COL23A1: variants seen among roughly 807,000 people sequenced by gnomAD.
The protein encoded by COL23A1 is collagen alpha-1(XXIII) chain.
Under a neutral mutation model 99.3 loss-of-function variants are expected in COL23A1, and 97 were observed. The ratio of observed to expected loss-of-function variants is 0.98; its 90% CI spans 0.83 to 1.16. COL23A1 has a LOEUF of 1.16. Ranked by LOEUF, COL23A1 falls within the 50% of genes most tolerant of loss-of-function variation. COL23A1 has a pLI of 0.00. For synonymous variants in COL23A1, 320 were observed against 308.2 expected (o/e 1.04, Z -0.40); for missense variants, 762 against 757.4 (o/e 1.01, Z -0.07).
chr5:178,345,446 G>A (rs1760908811), intron 2 of COL23A1: 1 of 197,784 alleles, frequency 5.1e-6, no homozygotes, highest in Non-Finnish European at 1.0e-5. Context: ...ATAGAGAAAT[G>A]TATCATCTCT....
intron 4 of COL23A1, among the ~76,000 whole-genome samples, chr5:178,289,746 G>C (rs1757353865): frequency 6.6e-6 from 1 of 152,104 alleles, no homozygotes; most frequent in Non-Finnish European, 1.5e-5. Flanking sequence ...CGTGTACCAA[G>C]GTGAGCCCAA....
chr5:178,254,707 C>G (rs1248564854), intron 16 of COL23A1, among the ~76,000 whole-genome samples: 1 of 152,132 alleles, frequency 6.6e-6, no homozygotes. Context: ...GGGAGCTTCC[C>G]TTTTTGACTT....
At chr5:178,562,629 G>A (rs898448817) in intron 1 of COL23A1, 1 of 151,422 alleles carries the variant, frequency 6.6e-6, no homozygotes, top group Non-Finnish European at 1.5e-5. Context: ...TCTTAAAGAT[G>A]ACACTGACAC....
chr5:178,358,660 GTA>G (rs746017686), intron 2 of COL23A1, among the ~76,000 whole-genome samples: 10,661 of 141,146 alleles, frequency 0.076, 720 homozygotes, highest in African/African-American at 0.18. Flanking sequence ...GTGTACGTGT[GTA>G]TGTGTCTAAT....
rs141297777 is a variant in COL23A1 at position 178,449,382 on chromosome 5, C to T, written c.361+111300G>A. 3.8e-3 allele frequency among the ~76,000 whole-genome samples: 582 copies of T among 152,262 alleles called. 3 individuals carry two copies. The highest frequency in any genetic ancestry group is 6.0e-3 in the Admixed American group (92 of 15,296). ...GGTTCCCTGATAGTAACTGGCCATT[C>T]GCCTTCTGGTCATGACTCTGATAAG... is the stretch of plus-strand genomic sequence containing the variant. On this transcript the variant is annotated intron_variant, in intron 2 of 28. Transcript: ENST00000390654.
intron 2 of COL23A1, among the ~76,000 whole-genome samples, chr5:178,418,914 C>G (rs1223104882): frequency 6.6e-6 from 1 of 152,162 alleles, no homozygotes; most frequent in Non-Finnish European, 1.5e-5. Context: ...ACTGTCACCA[C>G]CCCCAGCCTG....
chr5:178,367,719 T>C (rs1162598438), intron 2 of COL23A1, among the ~76,000 whole-genome samples: 1 of 152,220 alleles, frequency 6.6e-6, no homozygotes, highest in Non-Finnish European at 1.5e-5. Flanking sequence ...CTTTCTAGCA[T>C]ATCATCCAAA....
chr5:178,246,473 A>G lies in COL23A1; in HGVS notation c.1297-20T>C. On this transcript the variant is annotated intron_variant, in intron 22 of 28. Coordinates refer to ENST00000390654, the MANE Select transcript of COL23A1 (RefSeq NM_173465.4). ...CAAGCCCTGGAGGCAAAGGAGGGAA[A>G]TCAGTCAAGGGGAAGGGGTTAGACA... 1.3e-6 allele frequency: 2 copies of G among 1,556,704 alleles called. No individual in the cohort carries two copies. The highest frequency in any genetic ancestry group is 8.7e-7 in the Non-Finnish European group (1 of 1,149,538).
intron 2 of COL23A1, among the ~76,000 whole-genome samples, chr5:178,403,128 A>AAAAAAAAAAAAAAAAAAAC: frequency 1.0e-5 from 1 of 100,180 alleles, no homozygotes; most frequent in Non-Finnish European, 1.9e-5. Flanking sequence ...AAAAATAAAT[A>AAAAAAAAAAAAAAAAAAAC]AATAAAAAAT....
At chr5:178,442,282 C>A (rs552593479) in intron 2 of COL23A1, among the ~76,000 whole-genome samples, 153 of 152,290 alleles carry the variant, frequency 1.0e-3, no homozygotes, top group Non-Finnish European at 1.0e-3. Flanking sequence ...ATGAAAGGTT[C>A]TGTTTGCTGG....
intron 2 of COL23A1, among the ~76,000 whole-genome samples, chr5:178,381,254 G>A (rs1020468333): frequency 6.6e-6 from 1 of 152,220 alleles, no homozygotes; most frequent in South Asian, 2.1e-4. Context: ...TAAGCCAGCA[G>A]CTGGCCCTCC....
rs145850098 is a variant in COL23A1, at chr5:178,321,209, G to A, written c.362-14290C>T. On this transcript the variant is annotated intron_variant, in intron 2 of 28. Coordinates refer to ENST00000390654, the MANE Select transcript of COL23A1 (RefSeq NM_173465.4). ...GTTGAGCGGCATCAAGCACAGTCACGCTGTTGTGCGGCCACCAGCACCATC... is the reference window on the plus strand; with the variant it reads ...GTTGAGCGGCATCAAGCACAGTCACACTGTTGTGCGGCCACCAGCACCATC... 2.5e-3 allele frequency among the ~76,000 whole-genome samples: 388 copies of A among 152,304 alleles called. 1 individual carries two copies. Among genetic ancestry groups the A allele is most frequent in the African/African-American group, 9.0e-3 (373 of 41,566 alleles).
chr5:178,324,638 G>A (rs1030860401), intron 2 of COL23A1, among the ~76,000 whole-genome samples: 1 of 152,156 alleles, frequency 6.6e-6, no homozygotes, highest in African/African-American at 2.4e-5. Context: ...TCACTGGCCC[G>A]AGGCCACACA....
intron 5 of COL23A1, among the ~76,000 whole-genome samples, chr5:178,278,578 G>T (rs1756719029): frequency 6.6e-6 from 1 of 152,126 alleles, no homozygotes; most frequent in African/African-American, 2.4e-5. Flanking sequence ...CTTGCCGGCG[G>T]CTGCAAGCGT....
chr5:178,409,459 C>T (rs1246607190), intron 2 of COL23A1, among the ~76,000 whole-genome samples: 1 of 151,724 alleles, frequency 6.6e-6, no homozygotes, highest in Non-Finnish European at 1.5e-5. Flanking sequence ...TATGATAGTG[C>T]TGTATAGTGA....
chr5:178,238,661 C>T lies in COL23A1; in HGVS notation c.*37G>A, dbSNP rs199586986. 6.2e-7 allele frequency: 1 copy of T among 1,611,346 alleles called. No individual in the cohort carries two copies. Among genetic ancestry groups the T allele is most frequent in the African/African-American group, 1.3e-5 (1 of 74,836 alleles). On this transcript the variant is annotated 3_prime_UTR_variant, in exon 29 of 29. Coordinates refer to ENST00000390654, the MANE Select transcript of COL23A1 (RefSeq NM_173465.4). Reference sequence around the variant, plus strand: ...TGTTTTTACAAAAATTAAAAATGTCCACACGGATCTGTACAGGTGTGAGCT... The same window carrying T: ...TGTTTTTACAAAAATTAAAAATGTCTACACGGATCTGTACAGGTGTGAGCT...
chr5:178,535,327 G>A (rs1760878403), intron 2 of COL23A1, among the ~76,000 whole-genome samples: 1 of 152,190 alleles, frequency 6.6e-6, no homozygotes, highest in South Asian at 2.1e-4. Context: ...CGCTCTCAGA[G>A]CCCTGGCTTC....
In COL23A1 at chr5:178,281,227, G is replaced by T. The variant is rs896904088; in HGVS notation, c.441+7097C>A. Among the ~76,000 whole-genome samples the T allele has an allele frequency of 1.3e-5, 2 of 152,232 alleles. No homozygotes were observed. Among genetic ancestry groups the T allele is most frequent in the African/African-American group, 4.8e-5 (2 of 41,460 alleles). On this transcript the variant is annotated intron_variant, in intron 5 of 28. Coordinates refer to ENST00000390654, the MANE Select transcript of COL23A1 (RefSeq NM_173465.4). This position sits in a 1 kb window ranked among gnomAD's most constrained non-coding sequence, Gnocchi z 4.0. ...AAACAGATGAATTTGGGATATTTCA[G>T]ATAAATCGTTTAACTGATTACATTT...
intron 2 of COL23A1, among the ~76,000 whole-genome samples, chr5:178,554,566 G>A (rs1485408429): frequency 6.6e-6 from 1 of 152,212 alleles, no homozygotes; most frequent in Non-Finnish European, 1.5e-5. Flanking sequence ...CACCGGAAGA[G>A]TCTGGTCACC....
Sources: allele counts gnomAD v4.1 joint callset (sites outside exome capture counted in the v4.1 genomes callset), GRCh38; gene constraint gnomAD v4.1.1; non-coding constraint Gnocchi (gnomAD v3.1); transcripts MANE v1.5; gene names NCBI Gene and HGNC (gene_info 2026-07-23, HGNC 2026-07-21).